Variants in MEGF11 observed in about 807,000 individuals in gnomAD.
The protein encoded by MEGF11 is multiple EGF like domains 11, also known as multiple epidermal growth factor-like domains protein 11.
In MEGF11, 126 loss-of-function variants were observed where a neutral mutation model predicts 146.6. The observed-to-expected ratio is 0.86, with a 90% CI of 0.74 to 1.00. The LOEUF is 1.00. Ranked by LOEUF, MEGF11 falls within the 50% of genes least tolerant of loss-of-function variation. The pLI, the probability that MEGF11 is intolerant of heterozygous loss-of-function variation, is 0.00. For synonymous variants in MEGF11, 532 were observed against 583.4 expected, an observed-to-expected ratio of 0.91 and a Z score of 1.27; for missense variants, 1,509 against 1,521.2, an observed-to-expected ratio of 0.99 and a Z score of 0.13.
At chr15:66,204,702 C>T (rs1213844528) in intron 1 of MEGF11, among the ~76,000 whole-genome samples, 2 of 152,224 alleles carry the variant, frequency 1.3e-5, no homozygotes, top group Non-Finnish European at 2.9e-5. Context: ...GGGCCTCCAT[C>T]AACATTCATT....
chr15:66,181,404 G>T (rs941221522), intron 1 of MEGF11, among the ~76,000 whole-genome samples: 4 of 152,078 alleles, frequency 2.6e-5, no homozygotes, highest in South Asian at 2.1e-4. Flanking sequence ...TAAGATTTAT[G>T]CACACTTGAA....
intron 5 of MEGF11, among the ~76,000 whole-genome samples, chr15:65,992,114 G>A (rs1469901882): frequency 6.6e-6 from 1 of 152,208 alleles, no homozygotes; most frequent in African/African-American, 2.4e-5. Context: ...CAAAGGCCAT[G>A]GGTACATTCA....
chr15:66,242,842 C>T (rs2092237717), intron 1 of MEGF11, among the ~76,000 whole-genome samples: 1 of 152,192 alleles, frequency 6.6e-6, no homozygotes, highest in South Asian at 2.1e-4. Flanking sequence ...GCAAGACAAC[C>T]TCACATTAAT....
At chr15:66,092,945 C>A (rs948181422) in intron 5 of MEGF11, among the ~76,000 whole-genome samples, 1 of 152,288 alleles carries the variant, frequency 6.6e-6, no homozygotes, top group East Asian at 1.9e-4. Flanking sequence ...CAGATAAGGG[C>A]GGGGGAAGCC....
At chr15:66,174,539 G>A (rs1291351518) in intron 1 of MEGF11, among the ~76,000 whole-genome samples, 2 of 152,052 alleles carry the variant, frequency 1.3e-5, no homozygotes, top group Non-Finnish European at 2.9e-5. Flanking sequence ...ATGAGCTTTA[G>A]TGCTGTAAGT....
In MEGF11 at chr15:65,909,095, C is replaced by T. The variant is rs1297776096; in HGVS notation, c.2937G>A (p.Pro979=). ...TAAGTTCAATGTAGAAGTCCTCGGG[C>T]GGGTACCTGGCCTCCAGGGCACTGA... is the stretch of plus-strand genomic sequence containing the variant. ...FQISALEARY[P]PEDFYIELRH... is the part of the protein sequence containing the mutation. The change falls in exon 23 of 26, where the codon CCG becomes CCA. Residue 979 remains proline (P), a synonymous_variant. Transcript: ENST00000395614. 29 of 1,535,490 alleles carry T rather than the reference C, an allele frequency of 1.9e-5. No homozygotes were observed. Among genetic ancestry groups the T allele is most frequent in the South Asian group, 3.6e-5 (3 of 84,048 alleles).
intron 4 of MEGF11, among the ~76,000 whole-genome samples, chr15:66,117,187 G>T (rs903830060): frequency 2.6e-5 from 4 of 152,158 alleles, no homozygotes; most frequent in African/African-American, 9.7e-5. Context: ...GCTGGCAGTG[G>T]CAGAGCAAGG....
chr15:66,141,630 C>A (rs2089172620), intron 1 of MEGF11, among the ~76,000 whole-genome samples: 1 of 152,020 alleles, frequency 6.6e-6, no homozygotes, highest in Non-Finnish European at 1.5e-5. Flanking sequence ...AAAAGTCAAT[C>A]TGCTACATGC....
intron 5 of MEGF11, among the ~76,000 whole-genome samples, chr15:66,037,136 C>A (rs1241008709): frequency 6.6e-6 from 1 of 152,206 alleles, no homozygotes; most frequent in Non-Finnish European, 1.5e-5. Context: ...CCGGTCAGGC[C>A]TCAGTGATGC....
chr15:66,006,099 A>G (rs1478428371), intron 5 of MEGF11, among the ~76,000 whole-genome samples: 4 of 152,208 alleles, frequency 2.6e-5, no homozygotes, highest in Non-Finnish European at 5.9e-5. Flanking sequence ...TGGAGACAAT[A>G]AGACCTGACC....
Position 65,963,762 on chromosome 15 carries a change from G to T in MEGF11, c.1112+1146C>A, listed in dbSNP as rs1362201550. 2.0e-5 allele frequency among the ~76,000 whole-genome samples: 3 copies of T among 152,198 alleles called. No individual in the cohort carries two copies. The South Asian group carries it at 6.2e-4, about 32-fold the overall frequency. On this transcript the variant is annotated intron_variant, in intron 9 of 25. Transcript: ENST00000395614. The stretch of plus-strand genomic sequence containing the variant: ...TCTCTTTCCCGGGCCTTCCACCTCT[G>T]CCTCACACCACCCCAGCTGCTCCAC...
intron 1 of MEGF11, among the ~76,000 whole-genome samples, chr15:66,170,014 GA>G (rs5813377): frequency 0.68 from 100,913 of 149,454 alleles, 36,302 homozygotes; most frequent in East Asian, 0.93. Flanking sequence ...ACCGTCTGCC[GA>G]AAAAAAAAAA....
At chr15:66,082,310 AG>A (rs140160791) in intron 5 of MEGF11, among the ~76,000 whole-genome samples, 2,781 of 150,898 alleles carry the variant, frequency 0.018, 84 homozygotes, top group African/African-American at 0.064. Context: ...ATAGTTGGCC[AG>A]GCGTGGTGGC....
At chr15:66,128,639 G>A (rs1406043678) in intron 1 of MEGF11, among the ~76,000 whole-genome samples, 2 of 152,158 alleles carry the variant, frequency 1.3e-5, no homozygotes, top group Non-Finnish European at 2.9e-5. Context: ...CTCAGGGACT[G>A]CTCTGAGAAT....
chr15:66,218,107 A>G (rs965693676), intron 1 of MEGF11, among the ~76,000 whole-genome samples: 3 of 152,106 alleles, frequency 2.0e-5, no homozygotes, highest in African/African-American at 7.2e-5. Flanking sequence ...AGATACTTTT[A>G]TTGGTTTTGG....
At chr15:65,976,767 G>T (rs144133615) in intron 7 of MEGF11, among the ~76,000 whole-genome samples, 273 of 152,308 alleles carry the variant, frequency 1.8e-3, no homozygotes, top group Non-Finnish European at 3.1e-3. Flanking sequence ...CATCTAGAAG[G>T]TTGTACATGG....
At chr15:65,981,323 T>C (rs961657285) in intron 6 of MEGF11, among the ~76,000 whole-genome samples, 3 of 152,150 alleles carry the variant, frequency 2.0e-5, no homozygotes, top group Admixed American at 2.0e-4. Flanking sequence ...TCCACCTAGA[T>C]TCAGAGAGGG....
chr15:65,908,637 G>A (rs16949088), intron 23 of MEGF11, among the ~76,000 whole-genome samples: 4,417 of 152,296 alleles, frequency 0.029, 92 homozygotes, highest in South Asian at 0.047. Flanking sequence ...GGAGACATTG[G>A]ACTTTATTGG....
chr15:66,117,003 G>A (rs910055580), intron 4 of MEGF11, among the ~76,000 whole-genome samples: 3 of 152,196 alleles, frequency 2.0e-5, no homozygotes, highest in African/African-American at 4.8e-5. Context: ...GTGATCTTGG[G>A]CAAATTACAG....
Sources: allele counts gnomAD v4.1 joint callset (sites outside exome capture counted in the v4.1 genomes callset), GRCh38; gene constraint gnomAD v4.1.1; transcripts MANE v1.5; gene names NCBI Gene and HGNC (gene_info 2026-07-23, HGNC 2026-07-21).